PDE10A: variants seen among roughly 807,000 people sequenced by gnomAD.
PDE10A encodes phosphodiesterase 10A.
A neutral mutation model predicts 97.7 loss-of-function variants in PDE10A; 39 were observed. That is an observed-to-expected ratio of 0.40 (90% CI 0.31 to 0.52). The LOEUF is 0.52. PDE10A is among the 20% of genes least tolerant of loss of function. PDE10A has a pLI of 0.56. For synonymous variants in PDE10A, 371 were observed against 376.8 expected (o/e 0.98, Z 0.18); for missense variants, 731 against 1,047.8 (o/e 0.70, Z 4.17).
chr6:165,333,035 G>A lies in PDE10A; in HGVS notation c.3158C>T (p.Ser1053Phe). Residue 1053 changes from serine to phenylalanine, a missense_variant, in exon 22 of 22, where the codon TCT (serine) becomes TTT (phenylalanine). Physicochemically the swap from Ser to Phe is radical, Grantham distance 155. Transcript: ENST00000539869. ...CAGGGTGACCAGTGCTCAATCTTCA[G>A]ATGCAGCTGCCTTCTGAGCCACGGA... ...SPSVAQKAAASED is the reference protein window; with the variant it reads ...SPSVAQKAAAFED The A allele has an allele frequency of 1.2e-6, 2 of 1,602,514 alleles. No individual in the cohort carries two copies. The highest frequency in any genetic ancestry group is 1.1e-5 in the South Asian group (1 of 90,840).
At chr6:165,514,988 C>T (rs1397685387) in intron 2 of PDE10A, among the ~76,000 whole-genome samples, 1 of 152,140 alleles carries the variant, frequency 6.6e-6, no homozygotes, top group East Asian at 1.9e-4. Context: ...ATCCTTTTAT[C>T]CAAACTATTC....
intron 18 of PDE10A, among the ~76,000 whole-genome samples, chr6:165,349,587 T>C (rs995107866): frequency 2.0e-5 from 3 of 152,110 alleles, no homozygotes; most frequent in African/African-American, 7.2e-5. Context: ...GCTGCAGAAA[T>C]TTGCTTAAGT....
At chr6:165,444,572 T>C (rs1790702838) in intron 5 of PDE10A, among the ~76,000 whole-genome samples, 1 of 152,158 alleles carries the variant, frequency 6.6e-6, no homozygotes, top group Admixed American at 6.5e-5. Flanking sequence ...ATCTAAGTTT[T>C]TTTTCTTTTA....
intron 2 of PDE10A, among the ~76,000 whole-genome samples, chr6:165,533,538 A>G (rs1245340194): frequency 2.0e-5 from 3 of 152,188 alleles, no homozygotes; most frequent in Non-Finnish European, 4.4e-5. Context: ...GAGGTGGACT[A>G]TATTTCTTGT....
chr6:165,844,047 C>T (rs1260621456), intron 1 of PDE10A, among the ~76,000 whole-genome samples: 2 of 152,100 alleles, frequency 1.3e-5, no homozygotes, highest in Non-Finnish European at 2.9e-5. Context: ...GGAGCTGCCT[C>T]CCAAAGGAGG....
chr6:165,856,614 C>G (rs1224569718), intron 1 of PDE10A, among the ~76,000 whole-genome samples: 1 of 152,174 alleles, frequency 6.6e-6, no homozygotes, highest in Admixed American at 6.5e-5. Flanking sequence ...TTTTAAAGAT[C>G]AACTTACAGA....
chr6:165,763,416 G>A (rs1168099125), intron 1 of PDE10A, among the ~76,000 whole-genome samples: 2 of 152,026 alleles, frequency 1.3e-5, no homozygotes, highest in African/African-American at 2.4e-5. Flanking sequence ...TCTGCCTCCC[G>A]GGTTCAAGCG....
At chr6:165,866,491 A>G (rs574729154) in intron 1 of PDE10A, among the ~76,000 whole-genome samples, 1 of 151,926 alleles carries the variant, frequency 6.6e-6, no homozygotes, top group African/African-American at 2.4e-5. Flanking sequence ...GGGCATCCGC[A>G]GTCTCTTAAC....
chr6:165,433,210 CATG>C, intron 6 of PDE10A, 81 bp from the exon 7 acceptor site: 2 of 1,064,974 alleles, frequency 1.9e-6, no homozygotes, highest in South Asian at 3.1e-5. Flanking sequence ...CAGAAATTGC[CATG>C]ATACTTGTAA....
chr6:165,412,346 C>T (rs1240584454), intron 13 of PDE10A, among the ~76,000 whole-genome samples: 1 of 152,046 alleles, frequency 6.6e-6, no homozygotes, highest in Non-Finnish European at 1.5e-5. Context: ...TTCTATGATA[C>T]TTAAATTCCA....
chr6:165,635,422 A>G (rs1199346273), intron 1 of PDE10A, among the ~76,000 whole-genome samples: 2 of 152,176 alleles, frequency 1.3e-5, no homozygotes, highest in African/African-American at 4.8e-5. Flanking sequence ...GGCACAGGCA[A>G]AATGTCAGAG....
intron 2 of PDE10A, among the ~76,000 whole-genome samples, chr6:165,518,427 A>C (rs889157089): frequency 6.6e-6 from 1 of 152,204 alleles, no homozygotes; most frequent in African/African-American, 2.4e-5. Flanking sequence ...GGCCAGCTCC[A>C]TTCTGCCCAC....
intron 10 of PDE10A, among the ~76,000 whole-genome samples, chr6:165,426,164 C>CGAAT (rs2128235426): frequency 6.6e-6 from 1 of 152,196 alleles, no homozygotes; most frequent in East Asian, 1.9e-4. Context: ...ATCAGCATTC[C>CGAAT]ACCTGATTTC....
chr6:165,463,675 G>GC (rs141516506), intron 3 of PDE10A, among the ~76,000 whole-genome samples: 11,774 of 151,790 alleles, frequency 0.078, 1,411 homozygotes, highest in African/African-American at 0.26. Flanking sequence ...TTGGGAATAA[G>GC]CCCCCCCCAA....
At chr6:165,741,879 T>G (rs1792734613) in intron 1 of PDE10A, among the ~76,000 whole-genome samples, 1 of 152,204 alleles carries the variant, frequency 6.6e-6, no homozygotes. Flanking sequence ...CAAAGGAATT[T>G]TCCCTAAAAA....
At chr6:165,564,684 G>A (rs969717313) in intron 1 of PDE10A, among the ~76,000 whole-genome samples, 50 of 152,120 alleles carry the variant, frequency 3.3e-4, no homozygotes, top group African/African-American at 1.2e-3. Context: ...CATTTTCTGC[G>A]AGTAAATTTC....
chr6:165,551,137 C>T (rs766919121), intron 1 of PDE10A, among the ~76,000 whole-genome samples: 1 of 152,170 alleles, frequency 6.6e-6, no homozygotes, highest in Non-Finnish European at 1.5e-5. Context: ...TTCTCCCCAA[C>T]TGCATACAAT....
intron 1 of PDE10A, among the ~76,000 whole-genome samples, chr6:165,790,585 CAG>C (rs754012628): frequency 6.6e-6 from 1 of 152,050 alleles, no homozygotes; most frequent in Non-Finnish European, 1.5e-5. Flanking sequence ...GTAAGTTGCC[CAG>C]AGACATGGCT....
At chr6:165,758,486 G>GAGAAAGA (rs201748235) in intron 1 of PDE10A, among the ~76,000 whole-genome samples, 137 of 138,434 alleles carry the variant, frequency 9.9e-4, no homozygotes, top group South Asian at 1.6e-3. Flanking sequence ...AAGAAGAAAG[G>GAGAAAGA]AGAAAGAAGA....
Sources: allele counts gnomAD v4.1 joint callset (sites outside exome capture counted in the v4.1 genomes callset), GRCh38; gene constraint gnomAD v4.1.1; transcripts MANE v1.5; gene names NCBI Gene and HGNC (gene_info 2026-07-23, HGNC 2026-07-21).